The following SLC44A2 variants were observed in gnomAD, a reference collection of about 807,000 sequenced individuals.
SLC44A2 encodes solute carrier family 44 member 2 (CTL2 blood group), also known as choline transporter-like protein 2.
Under a neutral mutation model 90.8 loss-of-function variants are expected in SLC44A2, and 57 were observed. That is an observed-to-expected ratio of 0.63 (90% CI 0.51 to 0.78). The LOEUF is 0.78. SLC44A2 is among the 30% of genes least tolerant of loss of function. SLC44A2 has a pLI of 0.00. For missense variants in SLC44A2, 794 were observed against 919.7 expected (o/e 0.86, Z 1.77); for synonymous variants, 355 against 360.7 (o/e 0.98, Z 0.18).
chr19:10,641,081 C>T (rs550913583), intron 20 of SLC44A2: 59 of 384,290 alleles, frequency 1.5e-4, no homozygotes, highest in African/African-American at 7.5e-4. Context: ...AGCAAGATTC[C>T]GTCTCAGGAG....
In SLC44A2 at chr19:10,631,769, G is replaced by A. The variant is rs368299596; in HGVS notation, c.626+20G>A. 7.6e-5 allele frequency: 122 copies of A among 1,613,906 alleles called. No individual in the cohort carries two copies. Among genetic ancestry groups the A allele is most frequent in the East Asian group, 1.1e-4 (5 of 44,888 alleles). On this transcript the variant is annotated intron_variant, in intron 8 of 21. Transcript: ENST00000335757. The stretch of plus-strand genomic sequence containing the variant: ...CGCCAAGTGAGGATATTGGCGCACC[G>A]CGCCAGGGTCTCACTTTGCTGGGTG...
In SLC44A2 at chr19:10,644,276, T is replaced by G. The variant is rs1308928594; in HGVS notation, c.*891T>G. ...AGATGTCCTGGGCAAACCGGGCCCC[T>G]CTGCCCACACACCTCACTTGATCCT... is the stretch of plus-strand genomic sequence containing the variant. On this transcript the variant is annotated 3_prime_UTR_variant, in exon 22 of 22. Coordinates refer to ENST00000335757, the MANE Select transcript of SLC44A2 (RefSeq NM_020428.4). 2 of 152,628 alleles carry G rather than the reference T, an allele frequency of 1.3e-5. No homozygotes were observed. The highest frequency in any genetic ancestry group is 4.8e-5 in the African/African-American group (2 of 41,422). The allele number at this position is 152,628 out of a possible 1,614,324, so 9.5% of individuals were successfully genotyped here.
chr19:10,624,238 C>T (rs988957023), upstream of SLC44A2, among the ~76,000 whole-genome samples: 1 of 149,942 alleles, frequency 6.7e-6, no homozygotes, highest in Non-Finnish European at 1.5e-5. Flanking sequence ...CCTCATGATC[C>T]GCCCACCTCG....
rs2067040751 is a variant in SLC44A2, at chr19:10,635,189, T to C, written c.1082T>C (p.Leu361Ser). The change falls in exon 13 of 22, where the codon TTG (leucine) becomes TCG (serine). Residue 361 changes from leucine (L) to serine (S), a missense_variant. Coordinates refer to ENST00000335757, the MANE Select transcript of SLC44A2 (RefSeq NM_020428.4). The stretch of plus-strand genomic sequence containing the variant: ...GCTGTGGGATACGTCATGTGCTCCT[T>C]GCTCTACCCACTGGTCACCTTCTTC... Reference protein sequence around the residue: ...SRAVGYVMCSLLYPLVTFFLL... With the variant: ...SRAVGYVMCSSLYPLVTFFLL... The C allele has an allele frequency of 6.8e-6, 11 of 1,614,070 alleles. No individual in the cohort carries two copies. Among genetic ancestry groups the C allele is most frequent in the Non-Finnish European group, 9.3e-6 (11 of 1,180,028 alleles).
rs2066935105 is a variant in SLC44A2 at position 10,626,472 on chromosome 19, ATCTC to A, written c.86+172_86+175del. On this transcript the variant is annotated intron_variant, in intron 2 of 21. Transcript: ENST00000335757. ...CACCAGGCTGGAGTGCCGTGGCGCGATCTCAATCTCGGCTCACTGCAACCTTCGC... is the reference window on the plus strand; with the variant it reads ...CACCAGGCTGGAGTGCCGTGGCGCGAAATCTCGGCTCACTGCAACCTTCGC... Among the ~76,000 whole-genome samples, 4 of 150,118 alleles carry A rather than the reference ATCTC, an allele frequency of 2.7e-5. No homozygotes were observed. In the South Asian group the frequency reaches 8.4e-4, roughly 32 times the overall value.
chr19:10,608,378 C>T (rs1335887356), intron 1 of SLC44A2, among the ~76,000 whole-genome samples: 2 of 151,916 alleles, frequency 1.3e-5, no homozygotes, highest in Admixed American at 1.3e-4. Context: ...TCTTTTTTCA[C>T]GGTAGCATAG....
rs894222033 is a variant in SLC44A2 at position 10,635,625 on chromosome 19, T to C, written c.1233+110T>C. ...CAGCAAACAATTGGCCCCTGTTGCA[T>C]GTCCTGTGCTAGGTGTGGGGGAGGA... On this transcript the variant is annotated intron_variant, in intron 14 of 21. Coordinates refer to ENST00000335757, the MANE Select transcript of SLC44A2 (RefSeq NM_020428.4). The C allele has an allele frequency of 4.1e-6, 4 of 966,076 alleles. No individual in the cohort carries two copies. The African/African-American group carries it at 6.6e-5, about 16-fold the overall frequency. The allele number at this position is 966,076 out of a possible 1,614,324, so 59.8% of individuals were successfully genotyped here.
intron 20 of SLC44A2, 71 bp from the exon 21 acceptor site, chr19:10,642,296 G>C: frequency 7.6e-7 from 1 of 1,314,130 alleles, no homozygotes. Context: ...CCCAGCATAG[G>C]ATGGACTCAG....
chr19:10,643,142 TGCCCCTCTCTG>T (rs142310767), intron 21 of SLC44A2, 126 bp from the exon 22 acceptor site: 50,052 of 1,453,904 alleles, frequency 0.034, 1,143 homozygotes, highest in South Asian at 0.098. Context: ...CACTACAGTC[TGCCCCTCTCTG>T]GTCCCAGTGT....
At position 10,643,494 on chromosome 19, in the gene SLC44A2, C is replaced by A; in HGVS notation, c.*109C>A. 1 of 1,287,926 alleles carries A rather than the reference C, an allele frequency of 7.8e-7. No homozygotes were observed. The highest frequency in any genetic ancestry group is 1.1e-6 in the Non-Finnish European group (1 of 945,638). The allele number at this position is 1,287,926 out of a possible 1,614,324, so 79.8% of individuals were successfully genotyped here. On this transcript the variant is annotated 3_prime_UTR_variant, in exon 22 of 22. Coordinates refer to ENST00000335757, the MANE Select transcript of SLC44A2 (RefSeq NM_020428.4). Reference sequence around the variant, plus strand: ...CACCTGAAGTCCTATCACTGCCGCTCTGCCCCTCCCCATGAGCCAGATCCC... The same window carrying A: ...CACCTGAAGTCCTATCACTGCCGCTATGCCCCTCCCCATGAGCCAGATCCC...
At position 10,637,841 on chromosome 19, in the gene SLC44A2, C is replaced by T; in HGVS notation, c.1696-15C>T. 4 of 1,614,116 alleles carry T rather than the reference C, an allele frequency of 2.5e-6. No individual in the cohort carries two copies. Among genetic ancestry groups the T allele is most frequent in the Non-Finnish European group, 3.4e-6 (4 of 1,179,998 alleles). ...CACCCAGTGGGTCTGATCTCTCCCT[C>T]CCACTCTCCTCCAGATTGCCATCTA... On this transcript the variant is annotated splice_polypyrimidine_tract_variant and intron_variant, in intron 17 of 21. Coordinates refer to ENST00000335757, the MANE Select transcript of SLC44A2 (RefSeq NM_020428.4).
chr19:10,644,097 G>A lies in SLC44A2; in HGVS notation c.*712G>A, dbSNP rs2067145191. The A allele has an allele frequency of 6.6e-6, 1 of 152,532 alleles. No individual in the cohort carries two copies. Among genetic ancestry groups the A allele is most frequent in the South Asian group, 2.1e-4 (1 of 4,830 alleles). The allele number at this position is 152,532 out of a possible 1,614,324, so 9.4% of individuals were successfully genotyped here. ...GTGGAGAGCAGGCTGGAGAGGAGATGGCTAATAGCTGTTTAATGGAAACCT... is the reference window on the plus strand; with the variant it reads ...GTGGAGAGCAGGCTGGAGAGGAGATAGCTAATAGCTGTTTAATGGAAACCT... On this transcript the variant is annotated 3_prime_UTR_variant, in exon 22 of 22. Coordinates refer to ENST00000335757, the MANE Select transcript of SLC44A2 (RefSeq NM_020428.4).
chr19:10,637,768 C>A (rs1427135611), intron 17 of SLC44A2, 21 bp downstream of exon 17: 1 of 1,613,364 alleles, frequency 6.2e-7, no homozygotes, highest in African/African-American at 1.3e-5. Flanking sequence ...CTGGGACCCC[C>A]AACCAACCCG....
chr19:10,638,441 C>A, intron 20 of SLC44A2, 126 bp downstream of exon 20: 2 of 935,668 alleles, frequency 2.1e-6, no homozygotes, highest in Non-Finnish European at 1.7e-6. Flanking sequence ...ATTCAGACCA[C>A]AAACTTTTTG....
In SLC44A2 at chr19:10,627,724, G is replaced by T; in HGVS notation, c.89G>T (p.Gly30Val). 6.2e-7 allele frequency: 1 copy of T among 1,613,058 alleles called. No homozygotes were observed. Among genetic ancestry groups the T allele is most frequent in the Non-Finnish European group, 8.5e-7 (1 of 1,179,912 alleles). The change falls in exon 3 of 22, where the codon GGC (glycine) becomes GTC (valine). Residue 30 changes from glycine (G) to valine (V), a missense_variant and splice_region_variant. Around this residue, in one of 3 missense-constraint regions of SLC44A2, gnomAD observed 738 missense variants for 841.1 expected, o/e 0.88. Coordinates refer to ENST00000335757, the MANE Select transcript of SLC44A2 (RefSeq NM_020428.4). ...AACACTGCCCCTCTGCTCCCCAGGG[G>T]CTGCACGGATATCATATGCTGTGTG... is the stretch of plus-strand genomic sequence containing the variant. ...PTFKGPIYNR[G>V]CTDIICCVFL...
intron 1 of SLC44A2, among the ~76,000 whole-genome samples, chr19:10,620,028 A>C (rs529964182): frequency 1.3e-5 from 2 of 152,014 alleles, no homozygotes; most frequent in Admixed American, 1.3e-4. Flanking sequence ...TCCAAAAATA[A>C]TTAGCTGGGT....
intron 1 of SLC44A2, among the ~76,000 whole-genome samples, chr19:10,618,551 C>T (rs1390871513): frequency 8.2e-5 from 11 of 134,874 alleles, no homozygotes; most frequent in East Asian, 2.3e-4. Flanking sequence ...GCCATCTCGG[C>T]TCACTGCAAG....
chr19:10,618,995 C>A (rs2144825461), intron 1 of SLC44A2, among the ~76,000 whole-genome samples: 1 of 127,696 alleles, frequency 7.8e-6, no homozygotes, highest in African/African-American at 3.0e-5. Flanking sequence ...TACAGGGTCA[C>A]ACTATGTCAC....
In SLC44A2 at chr19:10,627,785, A is replaced by G. The variant is rs1190149870; in HGVS notation, c.150A>G (p.Val50=). ...LLLAIVGYVA[V]GIIAWTHGDP... ...TGGCCATTGTGGGCTACGTGGCTGT[A>G]GGCATCATAGGTGAGTAGAGAATGA... Residue 50 remains valine (V), a synonymous_variant, in exon 3 of 22, where the codon GTA becomes GTG. Transcript: ENST00000335757. 1 of 1,614,056 alleles carries G rather than the reference A, an allele frequency of 6.2e-7. No homozygotes were observed. The highest frequency in any genetic ancestry group is 1.7e-5 in the Admixed American group (1 of 60,000).
Sources: allele counts gnomAD v4.1 joint callset (sites outside exome capture counted in the v4.1 genomes callset), GRCh38; gene constraint gnomAD v4.1.1; regional missense constraint gnomAD v4.1.1; transcripts MANE v1.5; gene names NCBI Gene and HGNC (gene_info 2026-07-23, HGNC 2026-07-21).